ZFAND2A: variants seen among roughly 807,000 people sequenced by gnomAD.
The protein encoded by ZFAND2A is AN1-type zinc finger protein 2A.
A neutral mutation model predicts 11.6 loss-of-function variants in ZFAND2A; 20 were observed. The observed-to-expected ratio is 1.72, with a 90% CI of 1.21 to 2.50. The LOEUF is 2.50. ZFAND2A is among the 30% of genes most tolerant of loss of function. ZFAND2A has a pLI of 0.00. For missense variants in ZFAND2A, 234 were observed against 182.9 expected (o/e 1.28, Z -1.61); for synonymous variants, 93 against 60.6 (o/e 1.54, Z -2.48).
At chr7:1,159,348 AG>A (rs1174147593) in intron 1 of ZFAND2A, among the ~76,000 whole-genome samples, 6 of 152,288 alleles carry the variant, frequency 3.9e-5, no homozygotes, top group African/African-American at 1.4e-4. Flanking sequence ...GCCCGCAGCA[AG>A]AAAACACACA....
downstream of ZFAND2A, among the ~76,000 whole-genome samples, chr7:1,152,526 T>C (rs987000065): frequency 4.6e-5 from 7 of 151,918 alleles, no homozygotes; most frequent in Non-Finnish European, 1.0e-4. Flanking sequence ...GCATTACGAG[T>C]TGAATCATGT....
At chr7:1,151,766 A>C (rs973792827), downstream of ZFAND2A, among the ~76,000 whole-genome samples, 2 of 149,000 alleles carry the variant, frequency 1.3e-5, 1 homozygote, top group African/African-American at 5.0e-5. Context: ...CCCTTTTAAA[A>C]AAAAAAAAGC....
At chr7:1,158,063 G>A (rs938246432) in intron 2 of ZFAND2A, 95 bp downstream of exon 2, 12 of 1,255,956 alleles carry the variant, frequency 9.6e-6, no homozygotes, top group Non-Finnish European at 1.3e-5. Flanking sequence ...TGAGGAGCCA[G>A]GAAGGCCAAG....
downstream of ZFAND2A, among the ~76,000 whole-genome samples, chr7:1,150,188 T>A (rs1393790730): frequency 1.3e-5 from 2 of 152,160 alleles, no homozygotes; most frequent in African/African-American, 2.4e-5. Flanking sequence ...ATACAGTATG[T>A]TCTGCGATCA....
chr7:1,155,136 A>C (rs951613308), intron 4 of ZFAND2A, among the ~76,000 whole-genome samples: 3 of 152,128 alleles, frequency 2.0e-5, no homozygotes, highest in Admixed American at 6.6e-5. Flanking sequence ...ACAAACAAAC[A>C]AACAAACAAA....
intron 3 of ZFAND2A, 93 bp from the exon 4 acceptor site, chr7:1,155,677 C>T (rs1793509847): frequency 8.0e-6 from 12 of 1,503,298 alleles, no homozygotes; most frequent in South Asian, 1.3e-5. Flanking sequence ...CACACTTAAA[C>T]ACAAAGAGAG....
chr7:1,157,773 G>A (rs372277830), intron 2 of ZFAND2A, 23 bp from the exon 3 acceptor site: 3 of 1,502,772 alleles, frequency 2.0e-6, no homozygotes, highest in Non-Finnish European at 2.7e-6. Flanking sequence ...AAACAGGGAA[G>A]TGTTTTAACG....
intron 4 of ZFAND2A, 56 bp downstream of exon 4, chr7:1,155,396 TC>T: frequency 1.3e-6 from 2 of 1,590,554 alleles, no homozygotes; most frequent in Non-Finnish European, 1.7e-6. Context: ...AACTGACTCT[TC>T]CCAAGGAAAA....
Position 1,155,544 on chromosome 7 carries a change from A to G in ZFAND2A, c.191T>C (p.Ile64Thr). The change falls in exon 4 of 5, where the codon ATC becomes ACC. Residue 64 changes from isoleucine (I) to threonine (T), a missense_variant. By Grantham distance (89) the Ile-to-Thr change is moderately conservative. Coordinates refer to ENST00000316495, the MANE Select transcript of ZFAND2A (RefSeq NM_182491.4). ...TGGTATCTGGCCCTTTTTTACTGGG[A>G]TGGGGGTATTACAGAGTGGGCATAC... Reference protein sequence around the residue: ...VPVCPLCNTPIPVKKGQIPDV... With the variant: ...VPVCPLCNTPTPVKKGQIPDV... The G allele has an allele frequency of 6.2e-7, 1 of 1,613,576 alleles. No individual in the cohort carries two copies. Among genetic ancestry groups the G allele is most frequent in the Non-Finnish European group, 8.5e-7 (1 of 1,179,780 alleles).
At chr7:1,152,249 G>A (rs747060139), downstream of ZFAND2A, 15 of 1,571,914 alleles carry the variant, frequency 9.5e-6, no homozygotes, top group East Asian at 2.3e-5. Context: ...CATGAGCCGG[G>A]TGAACCAGTA....
chr7:1,157,637 T>C lies in ZFAND2A; in HGVS notation c.150+19A>G, dbSNP rs772822764. On this transcript the variant is annotated intron_variant, in intron 3 of 4. Coordinates refer to ENST00000316495, the MANE Select transcript of ZFAND2A (RefSeq NM_182491.4). Reference sequence around the variant, plus strand: ...TCAGACGGTGAAGATGAGAATCTTTTGAACAAAGGATCAATTACCTTCTGG... The same window carrying C: ...TCAGACGGTGAAGATGAGAATCTTTCGAACAAAGGATCAATTACCTTCTGG... The C allele has an allele frequency of 6.4e-6, 10 of 1,574,524 alleles. No individual in the cohort carries two copies. The highest frequency in any genetic ancestry group is 8.6e-6 in the Non-Finnish European group (10 of 1,164,522).
At chr7:1,156,662 G>A (rs914788945) in intron 3 of ZFAND2A, among the ~76,000 whole-genome samples, 2 of 152,250 alleles carry the variant, frequency 1.3e-5, no homozygotes, top group South Asian at 2.1e-4. Flanking sequence ...TTGATGGAAA[G>A]GTCAATGAGA....
chr7:1,153,230 A>C lies in ZFAND2A; in HGVS notation c.283-6T>G, dbSNP rs1197668979. The C allele has an allele frequency of 6.2e-7, 1 of 1,609,838 alleles. No homozygotes were observed. The highest frequency in any genetic ancestry group is 8.5e-7 in the Non-Finnish European group (1 of 1,176,332). ...GAGCAACGGTATGTAAAAATCTAAG[A>C]GAGCAAAGTGACTTCAACAAGCAAT... On this transcript the variant is annotated splice_region_variant and splice_polypyrimidine_tract_variant and intron_variant, in intron 4 of 4. Coordinates refer to ENST00000316495, the MANE Select transcript of ZFAND2A (RefSeq NM_182491.4).
downstream of ZFAND2A, among the ~76,000 whole-genome samples, chr7:1,149,855 T>A (rs1009817856): frequency 8.7e-3 from 706 of 81,518 alleles, 4 homozygotes; most frequent in African/African-American, 0.038. Flanking sequence ...GTTCTTAAGT[T>A]TTTTTTTTTT....
downstream of ZFAND2A, chr7:1,152,281 G>T (rs767162519): frequency 6.9e-6 from 11 of 1,582,964 alleles, no homozygotes; most frequent in East Asian, 2.3e-5. Flanking sequence ...GGGCCAGCCC[G>T]CCAGGAGCCA....
At chr7:1,151,326 C>T (rs936043063), downstream of ZFAND2A, among the ~76,000 whole-genome samples, 4 of 152,152 alleles carry the variant, frequency 2.6e-5, no homozygotes, top group African/African-American at 9.7e-5. Flanking sequence ...GCGAGTAGCA[C>T]CTGTGGCCGC....
chr7:1,152,887 G>T, downstream of ZFAND2A: 1 of 925,082 alleles, frequency 1.1e-6, no homozygotes. Context: ...GGCAGCAGTG[G>T]GCAATGAGAA....
intron 4 of ZFAND2A, among the ~76,000 whole-genome samples, chr7:1,153,903 T>C (rs1793458228): frequency 6.6e-6 from 1 of 151,894 alleles, no homozygotes; most frequent in Admixed American, 6.6e-5. Flanking sequence ...ATTGTGCCAC[T>C]GCACTCCAGC....
intron 3 of ZFAND2A, among the ~76,000 whole-genome samples, chr7:1,156,548 C>G (rs1221680842): frequency 1.1e-4 from 12 of 112,634 alleles, no homozygotes; most frequent in African/African-American, 3.8e-4. Context: ...CGCCCAGCAG[C>G]TGAAGGCCCA....
Sources: allele counts gnomAD v4.1 joint callset (sites outside exome capture counted in the v4.1 genomes callset), GRCh38; gene constraint gnomAD v4.1.1; transcripts MANE v1.5; gene names NCBI Gene and HGNC (gene_info 2026-07-23, HGNC 2026-07-21).